The following DDX31 variants were observed in gnomAD, a reference collection of about 807,000 sequenced individuals.
The protein encoded by DDX31 is ATP-dependent DNA helicase DDX31.
Under a neutral mutation model 91.3 loss-of-function variants are expected in DDX31, and 70 were observed. The observed-to-expected ratio is 0.77, with a 90% CI of 0.63 to 0.94. DDX31 has a LOEUF of 0.94. Ranked by LOEUF, DDX31 falls within the 40% of genes least tolerant of loss-of-function variation. The probability of loss-of-function intolerance (pLI) is 0.00; values close to 1 mark genes in which losing one functional copy is unlikely to be tolerated. For synonymous variants in DDX31, 362 were observed against 350.6 expected (o/e 1.03, Z -0.36); for missense variants, 902 against 925.0 (o/e 0.98, Z 0.32).
At chr9:132,624,164 C>T (rs1189370838) in intron 17 of DDX31, among the ~76,000 whole-genome samples, 1 of 64,768 alleles carries the variant, frequency 1.5e-5, no homozygotes, top group Non-Finnish European at 2.7e-5. Flanking sequence ...GAGACTCCGT[C>T]TCAAAAAAAA....
At chr9:132,610,864 A>G (rs1455152656) in intron 19 of DDX31, among the ~76,000 whole-genome samples, 9 of 152,188 alleles carry the variant, frequency 5.9e-5, no homozygotes, top group Admixed American at 1.3e-4. Flanking sequence ...GAAGGCCCCA[A>G]ACTCACATCA....
At chr9:132,598,111 G>A (rs1830536354) in intron 19 of DDX31, among the ~76,000 whole-genome samples, 1 of 152,106 alleles carries the variant, frequency 6.6e-6, no homozygotes, top group African/African-American at 2.4e-5. Context: ...TTAGGTGGGA[G>A]AAGCTCAGGC....
At chr9:132,664,680 G>A (rs962889519) in intron 1 of DDX31, among the ~76,000 whole-genome samples, 1 of 139,822 alleles carries the variant, frequency 7.2e-6, no homozygotes, top group South Asian at 2.3e-4. Context: ...TGATGCCACT[G>A]CTCTCCAGCC....
chr9:132,634,366 G>A (rs192840436), intron 14 of DDX31, among the ~76,000 whole-genome samples: 78 of 151,600 alleles, frequency 5.1e-4, no homozygotes, highest in Admixed American at 1.2e-3. Flanking sequence ...GCATGCCCAC[G>A]CACACACACA....
chr9:132,638,459 A>G, intron 14 of DDX31: 1 of 1,522,802 alleles, frequency 6.6e-7, no homozygotes, highest in South Asian at 1.1e-5. Context: ...TGGGCTTTGA[A>G]CTTCCAATGA....
At chr9:132,648,856 A>G (rs974963908) in intron 9 of DDX31, among the ~76,000 whole-genome samples, 2 of 152,206 alleles carry the variant, frequency 1.3e-5, no homozygotes, top group African/African-American at 4.8e-5. Context: ...AGAACCTTCC[A>G]AAGAGATTGT....
Position 132,658,782 on chromosome 9 carries a change from T to A in DDX31, c.524-47A>T, listed in dbSNP as rs375802128. The A allele has an allele frequency of 2.9e-5, 45 of 1,567,714 alleles. No homozygotes were observed. In the African/African-American group the frequency reaches 5.4e-4, roughly 19 times the overall value. ...CAATTAAAATCACACACCCTACAGA[T>A]GTTTAAGAAAAGCAAAGGATGTAAA... is the stretch of plus-strand genomic sequence containing the variant. On this transcript the variant is annotated intron_variant, in intron 5 of 19. Transcript: ENST00000372159.
Position 132,661,188 on chromosome 9 carries a change from G to C in DDX31, c.452+20C>G. On this transcript the variant is annotated intron_variant, in intron 4 of 19. Transcript: ENST00000372159. ...ACCCACGTAATGCCTAAGAAATCAA[G>C]AGGAGCCTGAAGTTCTTACCTGGTC... The C allele has an allele frequency of 1.3e-6, 2 of 1,546,148 alleles. No individual in the cohort carries two copies. Among genetic ancestry groups the C allele is most frequent in the Non-Finnish European group, 1.8e-6 (2 of 1,127,518 alleles).
At chr9:132,642,930 T>C (rs111685196) in intron 13 of DDX31, among the ~76,000 whole-genome samples, 1 of 151,860 alleles carries the variant, frequency 6.6e-6, no homozygotes, top group African/African-American at 2.4e-5. Context: ...GCTCAAGTGA[T>C]CCTCCCACCT....
chr9:132,662,450 T>C lies in DDX31; in HGVS notation c.321A>G (p.Pro107=). 1 of 1,614,236 alleles carries C rather than the reference T, an allele frequency of 6.2e-7. No individual in the cohort carries two copies. Among genetic ancestry groups the C allele is most frequent in the South Asian group, 1.1e-5 (1 of 91,080 alleles). ...GCCCCTGGACATACCTGTGGAGTTC[T>C]GGAATGTCAGGGTTGTTTTTAAACA... is the stretch of plus-strand genomic sequence containing the variant. ...SSLFKNNPDI[P]ELHRPVVKQV... is the part of the protein sequence containing the mutation. Residue 107 remains proline (P), a synonymous_variant, in exon 2 of 20, where the codon CCA becomes CCG. Transcript: ENST00000372159.
intron 3 of DDX31, 128 bp downstream of exon 3, chr9:132,662,129 GTTCA>G: frequency 1.2e-6 from 1 of 858,930 alleles, no homozygotes; most frequent in Non-Finnish European, 1.8e-6. Context: ...ATCAATCTGA[GTTCA>G]TTCAGGTAAC....
rs114397779 is a variant in DDX31, at chr9:132,595,025, G to C, written c.2082C>G (p.Ile694Met). The change falls in exon 20 of 20, where the codon ATC becomes ATG. Residue 694 changes from isoleucine to methionine, a missense_variant. By Grantham distance (10) the Ile-to-Met change is conservative (BLOSUM62 1). Transcript: ENST00000372159. This position sits in a 1 kb window ranked among gnomAD's most constrained non-coding sequence, Gnocchi z 4.6. ...GTGCGTTTTGCTTTTTGACCTTGGC[G>C]ATGTCGGCCTCCATGCCGCTTGAGT... ...SEYSSGMEAD[I>M]AKVKKQNAPG... 6.2e-7 allele frequency: 1 copy of C among 1,614,212 alleles called. No individual in the cohort carries two copies. The highest frequency in any genetic ancestry group is 8.5e-7 in the Non-Finnish European group (1 of 1,180,036).
chr9:132,669,577 G>C (rs1326731193), intron 1 of DDX31: 48 of 1,476,622 alleles, frequency 3.3e-5, no homozygotes, highest in East Asian at 1.4e-4. Flanking sequence ...TACCTTCCAC[G>C]GGAAACAGCC....
chr9:132,648,373 C>A, intron 10 of DDX31, 59 bp downstream of exon 10: 1 of 1,605,538 alleles, frequency 6.2e-7, no homozygotes, highest in East Asian at 2.2e-5. Context: ...GAAGTTGCAA[C>A]AAGGAGAGGA....
At chr9:132,601,734 A>G (rs1830733146) in intron 19 of DDX31, among the ~76,000 whole-genome samples, 1 of 152,230 alleles carries the variant, frequency 6.6e-6, no homozygotes, top group Non-Finnish European at 1.5e-5. Flanking sequence ...ACCAAAATGC[A>G]GCTGGGCCTT....
rs780234097 is a variant in DDX31 at position 132,659,792 on chromosome 9, G to C, written c.453-12C>G. 1 of 1,611,142 alleles carries C rather than the reference G, an allele frequency of 6.2e-7. No individual in the cohort carries two copies. The highest frequency in any genetic ancestry group is 8.5e-7 in the Non-Finnish European group (1 of 1,178,602). On this transcript the variant is annotated splice_polypyrimidine_tract_variant and intron_variant, in intron 4 of 19. Coordinates refer to ENST00000372159, the MANE Select transcript of DDX31 (RefSeq NM_022779.9). The stretch of plus-strand genomic sequence containing the variant: ...TTTGCTTCTGAACACTGGGCCACCC[G>C]AAAAAAAGAACACACTTTACCTATA...
In DDX31 at chr9:132,594,255, G is replaced by A. The variant is rs1425533543; in HGVS notation, c.*611C>T. The A allele has an allele frequency of 1.3e-5, 2 of 152,250 alleles. No individual in the cohort carries two copies. Among genetic ancestry groups the A allele is most frequent in the African/African-American group, 2.4e-5 (1 of 41,464 alleles). The allele number at this position is 152,250 out of a possible 1,614,324, so 9.4% of individuals were successfully genotyped here. Reference sequence around the variant, plus strand: ...GAGCAATGCATGTAAATGCAACCTCGTGTTTCCAGAAGAAAATAAGAGGGA... The same window carrying A: ...GAGCAATGCATGTAAATGCAACCTCATGTTTCCAGAAGAAAATAAGAGGGA... On this transcript the variant is annotated 3_prime_UTR_variant, in exon 20 of 20. Coordinates refer to ENST00000372159, the MANE Select transcript of DDX31 (RefSeq NM_022779.9).
At chr9:132,615,368 A>G (rs528374430) in intron 18 of DDX31, among the ~76,000 whole-genome samples, 1 of 151,900 alleles carries the variant, frequency 6.6e-6, no homozygotes, top group Admixed American at 6.5e-5. Context: ...CCACTCCCAC[A>G]AGAGCACCCT....
At chr9:132,656,431 A>G (rs953230829) in intron 6 of DDX31, among the ~76,000 whole-genome samples, 2 of 152,140 alleles carry the variant, frequency 1.3e-5, no homozygotes, top group Non-Finnish European at 2.9e-5. Context: ...TGCCCCTCCA[A>G]CTAGCCACAT....
Sources: gnomAD v4.1 joint callset for allele counts (sites outside exome capture counted in the v4.1 genomes callset) on GRCh38, gnomAD v4.1.1 for gene constraint, Gnocchi (gnomAD v3.1) non-coding constraint, MANE v1.5 for transcripts, NCBI Gene and HGNC (gene_info 2026-07-23, HGNC 2026-07-21) for gene names.